Variants in RBFOX1 observed in about 807,000 individuals in gnomAD.
RBFOX1 encodes RNA binding protein fox-1 homolog 1.
RBFOX1 carries 8 observed loss-of-function variants against 57.7 expected under a neutral mutation model. The observed-to-expected ratio is 0.14, with a 90% confidence interval of 0.08 to 0.25. RBFOX1 has a LOEUF of 0.25. Among genes scored for constraint, RBFOX1 ranks in the 10% least tolerant of loss-of-function variants. The pLI is 1.00. For missense variants in RBFOX1, 611 were observed against 548.5 expected (o/e 1.11, Z -1.14); for synonymous variants, 326 against 222.4 (o/e 1.47, Z -4.15).
intron 2 of RBFOX1, among the ~76,000 whole-genome samples, chr16:5,517,025 C>G (rs2043817596): frequency 6.6e-6 from 1 of 150,940 alleles, no homozygotes; most frequent in Non-Finnish European, 1.5e-5. Context: ...TCAAAAGTCT[C>G]CTGGGCAAGT....
At chr16:7,616,851 C>A (rs2058530690) in intron 10 of RBFOX1, among the ~76,000 whole-genome samples, 1 of 152,012 alleles carries the variant, frequency 6.6e-6, no homozygotes, top group Admixed American at 6.6e-5. Context: ...TTTTATCAGG[C>A]AGATAATATT....
chr16:7,548,956 C>T (rs2085466928), intron 5 of RBFOX1, among the ~76,000 whole-genome samples: 1 of 152,180 alleles, frequency 6.6e-6, no homozygotes, highest in Admixed American at 6.5e-5. Flanking sequence ...GGAAAAGCCA[C>T]CATCCCAGAG....
chr16:6,724,664 G>T (rs1360306636), intron 3 of RBFOX1, among the ~76,000 whole-genome samples: 1 of 152,258 alleles, frequency 6.6e-6, no homozygotes, highest in East Asian at 1.9e-4. Flanking sequence ...AGCCCGAATA[G>T]ACTAAGACTG....
intron 14 of RBFOX1, among the ~76,000 whole-genome samples, chr16:7,679,637 A>G (rs1396993838): frequency 2.0e-5 from 3 of 152,120 alleles, no homozygotes; most frequent in Non-Finnish European, 2.9e-5. Context: ...GCCCTCATCA[A>G]ATGAAAGATT....
rs1009450156 is a variant in RBFOX1, at chr16:6,218,781, A to G, written c.-126-98214A>G. On this transcript the variant is annotated intron_variant, in intron 1 of 15. Coordinates refer to ENST00000550418, the MANE Select transcript of RBFOX1 (RefSeq NM_018723.4). ...CCCGGTCTCCTTCTTCAGATATTTT[A>G]TCTGCTAAATCCGAAGTCGGAATCT... Among the ~76,000 whole-genome samples the G allele has an allele frequency of 3.3e-5, 5 of 151,944 alleles. 1 individual carries two copies. Among genetic ancestry groups the G allele is most frequent in the Middle Eastern group, 3.4e-3 (1 of 294 alleles).
At chr16:6,603,686 C>T (rs1601232148) in intron 2 of RBFOX1, among the ~76,000 whole-genome samples, 1 of 152,188 alleles carries the variant, frequency 6.6e-6, no homozygotes. Context: ...ATTGAGGATC[C>T]TACCCCAATC....
intron 2 of RBFOX1, among the ~76,000 whole-genome samples, chr16:6,618,151 T>A (rs2098170783): frequency 6.6e-6 from 1 of 152,096 alleles, no homozygotes; most frequent in Admixed American, 6.5e-5. Flanking sequence ...TACAGGGACA[T>A]GAGGAGGGGT....
chr16:5,978,361 T>G (rs2060108556), intron 4 of RBFOX1, among the ~76,000 whole-genome samples: 1 of 152,028 alleles, frequency 6.6e-6, no homozygotes, highest in East Asian at 1.9e-4. Flanking sequence ...AGCTTTGTAT[T>G]TGGGGATAAT....
intron 3 of RBFOX1, among the ~76,000 whole-genome samples, chr16:5,660,089 C>T (rs941570572): frequency 4.8e-4 from 73 of 152,282 alleles, no homozygotes; most frequent in African/African-American, 1.5e-3. Context: ...GCGCATAAAA[C>T]AGTTAAAAAT....
intron 2 of RBFOX1, among the ~76,000 whole-genome samples, chr16:5,533,817 G>T (rs2044583247): frequency 6.6e-6 from 1 of 152,110 alleles, no homozygotes; most frequent in Non-Finnish European, 1.5e-5. Context: ...GTTTGATTTG[G>T]TTTATGGTGT....
At chr16:5,778,674 C>T (rs904750338) in intron 3 of RBFOX1, among the ~76,000 whole-genome samples, 5 of 152,130 alleles carry the variant, frequency 3.3e-5, no homozygotes, top group African/African-American at 7.2e-5. Context: ...GTGTCCTGTG[C>T]GTGGCCATCT....
intron 3 of RBFOX1, among the ~76,000 whole-genome samples, chr16:7,032,140 C>G (rs539432583): frequency 2.0e-5 from 3 of 152,036 alleles, no homozygotes; most frequent in African/African-American, 7.2e-5. Context: ...AAAATCTTAT[C>G]TTGGCGGGGT....
At chr16:5,515,881 C>G (rs1296892577) in intron 2 of RBFOX1, among the ~76,000 whole-genome samples, 1 of 152,124 alleles carries the variant, frequency 6.6e-6, no homozygotes, top group East Asian at 1.9e-4. Flanking sequence ...CATTTTCTCA[C>G]CTAATCCTCA....
intron 2 of RBFOX1, among the ~76,000 whole-genome samples, chr16:6,386,137 G>A (rs1296360180): frequency 6.6e-6 from 1 of 151,980 alleles, no homozygotes; most frequent in Non-Finnish European, 1.5e-5. Flanking sequence ...GGGTTTCACC[G>A]TGTCACTCAG....
At chr16:5,446,814 G>A (rs2068253868) in intron 1 of RBFOX1, among the ~76,000 whole-genome samples, 1 of 152,142 alleles carries the variant, frequency 6.6e-6, no homozygotes, top group Admixed American at 6.5e-5. Context: ...GCTCCACGTG[G>A]CAGAGGGCAC....
intron 3 of RBFOX1, among the ~76,000 whole-genome samples, chr16:6,772,403 G>A (rs1406403467): frequency 6.7e-6 from 1 of 150,108 alleles, no homozygotes; most frequent in Non-Finnish European, 1.5e-5. Flanking sequence ...CAGGCTGGAA[G>A]GGTTTTGTGT....
At chr16:6,135,854 G>A (rs1254069550) in intron 1 of RBFOX1, among the ~76,000 whole-genome samples, 2 of 145,726 alleles carry the variant, frequency 1.4e-5, no homozygotes, top group East Asian at 4.1e-4. Context: ...GAGTGCAGTG[G>A]CACGATCTCA....
chr16:6,979,631 A>G (rs1043328923), intron 3 of RBFOX1, among the ~76,000 whole-genome samples: 2 of 152,210 alleles, frequency 1.3e-5, no homozygotes, highest in Non-Finnish European at 2.9e-5. Context: ...GGAGCTCAGA[A>G]CTTTCTTTTG....
intron 3 of RBFOX1, among the ~76,000 whole-genome samples, chr16:5,855,340 T>C (rs959227996): frequency 1.3e-5 from 2 of 152,224 alleles, no homozygotes; most frequent in African/African-American, 4.8e-5. Flanking sequence ...TTTCTTTTGG[T>C]AACCTTACGG....
Sources: allele counts gnomAD v4.1 joint callset (sites outside exome capture counted in the v4.1 genomes callset), GRCh38; gene constraint gnomAD v4.1.1; transcripts MANE v1.5; gene names NCBI Gene and HGNC (gene_info 2026-07-23, HGNC 2026-07-21).